Variants in PLSCR2 observed in about 807,000 individuals in gnomAD.
The protein encoded by PLSCR2 is phospholipid scramblase 2, also known as PL scramblase 2.
PLSCR2 carries 18 observed loss-of-function variants against 25.3 expected under a neutral mutation model. The observed-to-expected ratio is 0.71, with a 90% CI of 0.49 to 1.06. The LOEUF (loss-of-function observed/expected upper bound fraction) is 1.06, where lower values mean the gene tolerates loss of function less well. PLSCR2 is among the 50% of genes least tolerant of loss of function. The pLI is 0.00. For synonymous variants in PLSCR2, 88 were observed against 87.3 expected, an observed-to-expected ratio of 1.01 and a Z score of -0.04; for missense variants, 243 against 269.5, an observed-to-expected ratio of 0.90 and a Z score of 0.69.
chr3:146,425,173 C>T (rs2108093445), intron 2 of PLSCR2, among the ~76,000 whole-genome samples: 1 of 152,130 alleles, frequency 6.6e-6, no homozygotes, highest in Non-Finnish European at 1.5e-5. Flanking sequence ...AGCACTGAAA[C>T]TATGTGAAGA....
chr3:146,440,769 A>G (rs2040194379), downstream of PLSCR2, among the ~76,000 whole-genome samples: 1 of 149,566 alleles, frequency 6.7e-6, no homozygotes, highest in South Asian at 2.1e-4. Flanking sequence ...TGTGTTATCC[A>G]GTTTTTTTTA....
intron 1 of PLSCR2, among the ~76,000 whole-genome samples, chr3:146,485,653 A>G (rs1218557694): frequency 3.3e-5 from 5 of 152,170 alleles, no homozygotes. Context: ...AAACTCACTC[A>G]AAACCATACA....
chr3:146,467,834 T>C (rs1309100465), intron 1 of PLSCR2, among the ~76,000 whole-genome samples: 1 of 152,074 alleles, frequency 6.6e-6, no homozygotes, highest in Non-Finnish European at 1.5e-5. Context: ...TAGGGCATTA[T>C]AGACAGAGGG....
chr3:146,472,708 G>A (rs2042159604), intron 1 of PLSCR2, among the ~76,000 whole-genome samples: 1 of 152,104 alleles, frequency 6.6e-6, no homozygotes, highest in South Asian at 2.1e-4. Flanking sequence ...ATGTCACATT[G>A]GTGATTAGGC....
intron 1 of PLSCR2, among the ~76,000 whole-genome samples, chr3:146,467,733 G>C (rs1005258510): frequency 6.6e-5 from 10 of 152,064 alleles, no homozygotes; most frequent in Admixed American, 2.6e-4. Flanking sequence ...TGATTTAGTT[G>C]GAGTAGTGGT....
rs375009418 is a variant in PLSCR2 at position 146,479,763 on chromosome 3, C to A, written c.-293+16132G>T. 3.2e-3 allele frequency among the ~76,000 whole-genome samples: 482 copies of A among 152,262 alleles called. 8 individuals are homozygous for A. Among genetic ancestry groups the A allele is most frequent in the Middle Eastern group, 0.017 (5 of 294 alleles). ...AATAGACATCTACAGAACTCTCCAC[C>A]CCAAATCAGTAGAATATACATTCTT... On this transcript the variant is annotated intron_variant, in intron 1 of 8. Coordinates refer to the PLSCR2 transcript ENST00000336685.
chr3:146,482,632 T>G (rs2043170537), intron 1 of PLSCR2, among the ~76,000 whole-genome samples: 1 of 152,246 alleles, frequency 6.6e-6, no homozygotes, highest in Non-Finnish European at 1.5e-5. Flanking sequence ...TTGGTGGGAC[T>G]GTGAATTAGT....
intron 2 of PLSCR2, among the ~76,000 whole-genome samples, chr3:146,400,780 C>G (rs1385308084): frequency 2.0e-5 from 3 of 151,770 alleles, no homozygotes; most frequent in Non-Finnish European, 4.4e-5. Context: ...GATCCTAGCT[C>G]CGTGTGTGTA....
intron 8 of PLSCR2, among the ~76,000 whole-genome samples, chr3:146,436,438 C>T (rs911875591): frequency 2.6e-5 from 4 of 152,146 alleles, no homozygotes; most frequent in African/African-American, 9.7e-5. Flanking sequence ...TTTGTGTCCT[C>T]TTTTATTTCG....
At chr3:146,435,491 G>T (rs1167848424) in intron 8 of PLSCR2, among the ~76,000 whole-genome samples, 1 of 152,188 alleles carries the variant, frequency 6.6e-6, no homozygotes, top group Non-Finnish European at 1.5e-5. Flanking sequence ...GTATCTCATT[G>T]TGGTTTTGAT....
intron 3 of PLSCR2, among the ~76,000 whole-genome samples, chr3:146,395,518 C>T (rs2038244127): frequency 1.3e-5 from 2 of 152,072 alleles, no homozygotes; most frequent in South Asian, 4.1e-4. Flanking sequence ...TTTTCAGTGA[C>T]AATCTGATTT....
At chr3:146,470,400 C>G (rs557075222) in intron 1 of PLSCR2, among the ~76,000 whole-genome samples, 1 of 152,086 alleles carries the variant, frequency 6.6e-6, no homozygotes, top group African/African-American at 2.4e-5. Flanking sequence ...CAAAAATGAG[C>G]CAGGTGTGGT....
chr3:146,417,379 C>T (rs1363562963), intron 2 of PLSCR2, among the ~76,000 whole-genome samples: 1 of 151,122 alleles, frequency 6.6e-6, no homozygotes, highest in Admixed American at 6.6e-5. Context: ...AGACAAGAGA[C>T]AAATATTAAT....
downstream of PLSCR2, among the ~76,000 whole-genome samples, chr3:146,437,266 G>A (rs953325475): frequency 3.3e-5 from 5 of 152,116 alleles, no homozygotes; most frequent in Non-Finnish European, 5.9e-5. Context: ...GCCAGGCTTT[G>A]GTATCAGGAT....
At chr3:146,457,526 T>G (rs965715968) in intron 3 of PLSCR2, among the ~76,000 whole-genome samples, 12 of 152,356 alleles carry the variant, frequency 7.9e-5, no homozygotes, top group African/African-American at 2.9e-4. Context: ...AACACTGCAG[T>G]GCCCCTGCAC....
At chr3:146,405,575 G>A (rs965896681) in intron 2 of PLSCR2, among the ~76,000 whole-genome samples, 6 of 152,182 alleles carry the variant, frequency 3.9e-5, no homozygotes, top group South Asian at 2.1e-4. Context: ...CCCCACTGGT[G>A]TTTTTGGGGA....
At chr3:146,472,631 G>A (rs1443756613) in intron 1 of PLSCR2, among the ~76,000 whole-genome samples, 4 of 151,966 alleles carry the variant, frequency 2.6e-5, no homozygotes, top group South Asian at 4.1e-4. Flanking sequence ...TTTTTTAAAA[G>A]GTATTAATCC....
At chr3:146,441,758 A>T, downstream of PLSCR2, 1 of 1,522,142 alleles carries the variant, frequency 6.6e-7, no homozygotes, top group Non-Finnish European at 9.1e-7. Flanking sequence ...GGAGACTTAC[A>T]TTAATCCACT....
chr3:146,431,170 AC>A (rs1421753217), downstream of PLSCR2, among the ~76,000 whole-genome samples: 1 of 151,818 alleles, frequency 6.6e-6, no homozygotes, highest in Non-Finnish European at 1.5e-5. Flanking sequence ...TAAAGGAGAC[AC>A]TTTCTGTCCT....
Sources: allele counts gnomAD v4.1 joint callset (sites outside exome capture counted in the v4.1 genomes callset), GRCh38; gene constraint gnomAD v4.1.1; transcripts MANE v1.5; gene names NCBI Gene and HGNC (gene_info 2026-07-23, HGNC 2026-07-21).